The following MYO10 variants were observed in gnomAD, a reference collection of about 807,000 sequenced individuals.
MYO10 encodes unconventional myosin-X.
In MYO10, 133 loss-of-function variants were observed where a neutral mutation model predicts 257.3. The observed-to-expected ratio is 0.52, with a 90% CI of 0.45 to 0.60. MYO10 has a LOEUF of 0.60. Among genes scored for constraint, MYO10 ranks in the 20% least tolerant of loss-of-function variants. The pLI, the probability that MYO10 is intolerant of heterozygous loss-of-function variation, is 0.00. For missense variants in MYO10, 2,399 were observed against 2,635.7 expected, an observed-to-expected ratio of 0.91 and a Z score of 1.97; for synonymous variants, 1,104 against 1,028.6, an observed-to-expected ratio of 1.07 and a Z score of -1.40.
At chr5:16,685,707 C>T (rs746808331) in intron 29 of MYO10, 31 bp downstream of exon 29, 3 of 1,517,310 alleles carry the variant, frequency 2.0e-6, no homozygotes, top group Non-Finnish European at 2.7e-6. Context: ...CCCTAGACGC[C>T]CCACCCCCAT....
chr5:16,712,411 TG>T (rs1738660301), intron 19 of MYO10, among the ~76,000 whole-genome samples: 1 of 152,348 alleles, frequency 6.6e-6, no homozygotes, highest in East Asian at 1.9e-4. Flanking sequence ...TTAGGAACTC[TG>T]GGGACAGTGG....
At chr5:16,889,680 G>A (rs1288068229) in intron 1 of MYO10, among the ~76,000 whole-genome samples, 1 of 151,640 alleles carries the variant, frequency 6.6e-6, no homozygotes, top group Non-Finnish European at 1.5e-5. Flanking sequence ...AAAACTAGTG[G>A]GAAATCCTGT....
At chr5:16,742,374 T>A in intron 19 of MYO10, 1 of 513,988 alleles carries the variant, frequency 1.9e-6, no homozygotes, top group Non-Finnish European at 2.5e-6. Flanking sequence ...ATGGTTGCTT[T>A]AAATGCTTCC....
At chr5:16,848,029 A>T (rs1743687681) in intron 2 of MYO10, among the ~76,000 whole-genome samples, 1 of 152,222 alleles carries the variant, frequency 6.6e-6, no homozygotes, top group Non-Finnish European at 1.5e-5. Context: ...GAAAACAGCA[A>T]CCACAAAAAA....
intron 1 of MYO10, among the ~76,000 whole-genome samples, chr5:16,921,755 G>A (rs934766536): frequency 1.3e-5 from 2 of 152,032 alleles, no homozygotes; most frequent in African/African-American, 4.8e-5. Context: ...GAGCAATTTT[G>A]CCTCCTAGTG....
chr5:16,840,335 C>T (rs1168658764), intron 2 of MYO10, among the ~76,000 whole-genome samples: 2 of 152,090 alleles, frequency 1.3e-5, no homozygotes, highest in East Asian at 3.9e-4. Flanking sequence ...TCGTTTGAAC[C>T]TGGGAGGCAG....
chr5:16,894,934 C>T (rs564329998), intron 1 of MYO10, among the ~76,000 whole-genome samples: 4 of 152,276 alleles, frequency 2.6e-5, no homozygotes, highest in East Asian at 1.9e-4. Flanking sequence ...GCTTATGCAG[C>T]GCTACTTAAT....
intron 25 of MYO10, chr5:16,699,781 AG>A: frequency 5.5e-6 from 1 of 182,340 alleles, no homozygotes. Context: ...AGCAAGCCTC[AG>A]TCTCAAAAAA....
intron 19 of MYO10, among the ~76,000 whole-genome samples, chr5:16,742,666 C>A (rs1323442857): frequency 1.3e-5 from 2 of 151,518 alleles, no homozygotes; most frequent in African/African-American, 4.9e-5. Context: ...CAAAAATTAG[C>A]CAGGCATGGT....
chr5:16,683,947 C>CA lies in MYO10; in HGVS notation c.3991-13dup, dbSNP rs1242228667. On this transcript the variant is annotated splice_polypyrimidine_tract_variant and intron_variant, in intron 29 of 40. Transcript: ENST00000513610. ...ACATCCAAGGTGCCCTGGAAAAGAACAAAAAGTAAACAGAATGAGAGAAGC... is the reference window on the plus strand; with the variant it reads ...ACATCCAAGGTGCCCTGGAAAAGAACAAAAAAGTAAACAGAATGAGAGAAGC... The CA allele has an allele frequency of 6.2e-7, 1 of 1,612,334 alleles. No homozygotes were observed. Among genetic ancestry groups the CA allele is most frequent in the South Asian group, 1.1e-5 (1 of 90,568 alleles).
At chr5:16,919,152 G>A (rs768976203) in intron 1 of MYO10, among the ~76,000 whole-genome samples, 20 of 151,924 alleles carry the variant, frequency 1.3e-4, no homozygotes, top group Non-Finnish European at 2.9e-4. Context: ...CAAGGCAGGC[G>A]GGATCACTTG....
intron 30 of MYO10, among the ~76,000 whole-genome samples, chr5:16,682,463 C>T (rs555006408): frequency 2.0e-5 from 3 of 152,216 alleles, no homozygotes; most frequent in Admixed American, 1.3e-4. Flanking sequence ...TGCTTGATTA[C>T]GCTTTATACA....
At chr5:16,769,349 T>G (rs1740977825) in intron 9 of MYO10, 146 bp from the exon 10 acceptor site, 1 of 989,840 alleles carries the variant, frequency 1.0e-6, no homozygotes, top group East Asian at 3.0e-5. Flanking sequence ...CTTGTTTTTT[T>G]GTTTTGAGAC....
chr5:16,694,460 G>C lies in MYO10; in HGVS notation c.3711C>G (p.Arg1237=). The change falls in exon 27 of 41, where the codon CGC becomes CGG. Residue 1237 remains arginine (R), a synonymous_variant. Coordinates refer to ENST00000513610, the MANE Select transcript of MYO10 (RefSeq NM_012334.3). ...GCTTGGACTGGCGGAGGACAAACCA[G>C]CGCTTCTTCCAATTTCTCCTGGACA... is the stretch of plus-strand genomic sequence containing the variant. ...STLSRRNWKK[R]WFVLRQSKLM... 1 of 1,614,052 alleles carries C rather than the reference G, an allele frequency of 6.2e-7. No homozygotes were observed.
chr5:16,704,801 C>A, intron 21 of MYO10, 116 bp from the exon 22 acceptor site: 1 of 747,588 alleles, frequency 1.3e-6, no homozygotes. Context: ...TTTGATCCAC[C>A]ACATGGCCAT....
chr5:16,768,675 T>C (rs1411744631), intron 10 of MYO10, among the ~76,000 whole-genome samples: 2 of 131,100 alleles, frequency 1.5e-5, no homozygotes. Context: ...TTTTTTTTTT[T>C]TTTTTTTTTT....
intron 19 of MYO10, among the ~76,000 whole-genome samples, chr5:16,747,217 T>C (rs1033974300): frequency 2.6e-5 from 4 of 152,138 alleles, no homozygotes; most frequent in Admixed American, 6.5e-5. Flanking sequence ...CATAAAAAGA[T>C]TGATACACAT....
intron 28 of MYO10, among the ~76,000 whole-genome samples, chr5:16,687,623 CG>C (rs967594278): frequency 1.3e-5 from 2 of 151,720 alleles, no homozygotes; most frequent in Non-Finnish European, 2.9e-5. Flanking sequence ...GCTGTGCAAA[CG>C]ATTTACAGCA....
intron 1 of MYO10, among the ~76,000 whole-genome samples, chr5:16,889,913 A>G (rs1351109950): frequency 1.3e-5 from 2 of 151,726 alleles, no homozygotes; most frequent in Non-Finnish European, 2.9e-5. Context: ...GGGGGAGAGA[A>G]ATGCCTACAA....
Sources: gnomAD v4.1 joint callset for allele counts (sites outside exome capture counted in the v4.1 genomes callset) on GRCh38, gnomAD v4.1.1 for gene constraint, MANE v1.5 for transcripts, NCBI Gene and HGNC (gene_info 2026-07-23, HGNC 2026-07-21) for gene names.